Variants in STK32B observed in about 807,000 individuals in gnomAD.
STK32B encodes the protein serine/threonine kinase 32B.
STK32B carries 43 observed loss-of-function variants against 52.6 expected under a neutral mutation model. The observed-to-expected ratio is 0.82, with a 90% confidence interval of 0.64 to 1.05. STK32B has a LOEUF of 1.05. Ranked by LOEUF, STK32B falls within the 50% of genes least tolerant of loss-of-function variation. STK32B has a pLI of 0.00. For synonymous variants in STK32B, 238 were observed against 204.3 expected, an observed-to-expected ratio of 1.17 and a Z score of -1.41; for missense variants, 621 against 534.6, an observed-to-expected ratio of 1.16 and a Z score of -1.59.
At chr4:5,053,528 T>C (rs1741871854) in intron 1 of STK32B, among the ~76,000 whole-genome samples, 3 of 152,208 alleles carry the variant, frequency 2.0e-5, no homozygotes, top group Admixed American at 1.3e-4. Context: ...GCCACCCTTA[T>C]ATTGAAAACC....
Position 5,265,262 on chromosome 4 carries a change from C to T in STK32B, c.261-65958C>T, listed in dbSNP as rs147733950. Among the ~76,000 whole-genome samples the T allele has an allele frequency of 3.7e-3, 561 of 152,312 alleles. 3 individuals are homozygous for T. The highest frequency in any genetic ancestry group is 0.013 in the African/African-American group (526 of 41,558). Reference sequence around the variant, plus strand: ...AATTACACCACCTGACAGGTGAGAACGCGTGGGTGTTTCTACAACTCCTGA... The same window carrying T: ...AATTACACCACCTGACAGGTGAGAATGCGTGGGTGTTTCTACAACTCCTGA... On this transcript the variant is annotated intron_variant, in intron 3 of 11. Coordinates refer to ENST00000282908, the MANE Select transcript of STK32B (RefSeq NM_018401.3).
intron 11 of STK32B, among the ~76,000 whole-genome samples, chr4:5,480,911 CTCA>C (rs1270967131): frequency 6.6e-6 from 1 of 152,130 alleles, no homozygotes; most frequent in Non-Finnish European, 1.5e-5. Flanking sequence ...GGGACATGAA[CTCA>C]TCATTTTTTA....
intron 3 of STK32B, among the ~76,000 whole-genome samples, chr4:5,287,987 A>G (rs1436083813): frequency 2.0e-5 from 3 of 152,184 alleles, no homozygotes; most frequent in African/African-American, 7.2e-5. Flanking sequence ...TGCTTGTTCC[A>G]TAAAAGTTGA....
At chr4:5,446,487 A>C (rs1440738316) in intron 6 of STK32B, among the ~76,000 whole-genome samples, 186 bp from the exon 7 acceptor site, 1 of 151,610 alleles carries the variant, frequency 6.6e-6, no homozygotes, top group Non-Finnish European at 1.5e-5. Flanking sequence ...AATCGCTTGA[A>C]CTAAGGCACA....
chr4:5,446,590 T>A, intron 6 of STK32B, 83 bp from the exon 7 acceptor site: 7 of 1,087,790 alleles, frequency 6.4e-6, no homozygotes, highest in Non-Finnish European at 9.5e-6. Context: ...ACAAGCTCAA[T>A]TTCTCTCCTT....
intron 1 of STK32B, among the ~76,000 whole-genome samples, chr4:5,092,303 GGGC>G (rs1713123974): frequency 1.3e-5 from 2 of 152,150 alleles, no homozygotes; most frequent in Non-Finnish European, 1.5e-5. Context: ...AGGCCGAGGC[GGGC>G]AGATCACCTG....
At chr4:5,346,854 A>G (rs1733499359) in intron 4 of STK32B, among the ~76,000 whole-genome samples, 1 of 152,358 alleles carries the variant, frequency 6.6e-6, no homozygotes, top group East Asian at 1.9e-4. Context: ...ACGGTTCTTC[A>G]TGGCCGGGTA....
At chr4:5,317,525 T>C (rs146584158) in intron 3 of STK32B, among the ~76,000 whole-genome samples, 9,934 of 101,812 alleles carry the variant, frequency 0.098, 1,160 homozygotes, top group African/African-American at 0.23. Flanking sequence ...ATATTTATTA[T>C]ATATATATTA....
intron 4 of STK32B, among the ~76,000 whole-genome samples, chr4:5,351,915 C>G (rs1218873943): frequency 6.6e-6 from 1 of 151,916 alleles, no homozygotes; most frequent in South Asian, 2.1e-4. Flanking sequence ...AATGGAAAAC[C>G]TGGGCAGACC....
At chr4:5,227,394 A>G (rs1250173749) in intron 3 of STK32B, among the ~76,000 whole-genome samples, 1 of 152,236 alleles carries the variant, frequency 6.6e-6, no homozygotes, top group Admixed American at 6.5e-5. Context: ...GACCTTCCAC[A>G]TATTGGCATA....
At chr4:5,144,426 G>A (rs1386109273) in intron 2 of STK32B, among the ~76,000 whole-genome samples, 4 of 152,168 alleles carry the variant, frequency 2.6e-5, no homozygotes, top group Non-Finnish European at 4.4e-5. Context: ...GAGGAAGGGA[G>A]ACTTTAACTG....
rs1730823080 is a variant in STK32B, at chr4:5,316,636, AATATATTATATATATAATATATAAT to A, written c.261-14562_261-14538del. Among the ~76,000 whole-genome samples the A allele has an allele frequency of 3.6e-3, 12 of 3,368 alleles. 1 individual carries two copies. Among genetic ancestry groups the A allele is most frequent in the Admixed American group, 9.7e-3 (2 of 206 alleles). The allele number at this position is 3,368 out of a possible 152,430, so 2.2% of individuals were successfully genotyped here. A position where few individuals can be genotyped will look rare whatever the true frequency, so the allele number is the denominator to read the frequency against. On this transcript the variant is annotated intron_variant, in intron 3 of 11. Transcript: ENST00000282908. The stretch of plus-strand genomic sequence containing the variant: ...ATTATATATTATATATATAATATAT[AATATATTATATATATAATATATAAT>A]ATATATTATATATATAATATAATAT...
chr4:5,354,063 T>A (rs556885920), intron 4 of STK32B, among the ~76,000 whole-genome samples: 1 of 152,276 alleles, frequency 6.6e-6, no homozygotes, highest in East Asian at 1.9e-4. Context: ...TGAAACAGAA[T>A]GAAATCATGT....
chr4:5,170,705 A>G (rs1476618462), intron 3 of STK32B, among the ~76,000 whole-genome samples: 2 of 152,110 alleles, frequency 1.3e-5, no homozygotes, highest in Non-Finnish European at 2.9e-5. Flanking sequence ...AATCCAGTCT[A>G]TCATTGTTGG....
chr4:5,347,573 A>G (rs1323261061), intron 4 of STK32B, among the ~76,000 whole-genome samples: 1 of 152,140 alleles, frequency 6.6e-6, no homozygotes, highest in East Asian at 1.9e-4. Context: ...CTGACTACAT[A>G]CATTTGGTAA....
At chr4:5,477,218 G>T (rs911598124) in intron 11 of STK32B, among the ~76,000 whole-genome samples, 1 of 152,094 alleles carries the variant, frequency 6.6e-6, no homozygotes, top group Non-Finnish European at 1.5e-5. Flanking sequence ...TATCAGTGAG[G>T]TGTTCTGAAA....
At chr4:5,032,148 G>T in the STK32B span, among the ~76,000 whole-genome samples, 1 of 150,338 alleles carries the variant, frequency 6.7e-6, no homozygotes, top group Non-Finnish European at 1.5e-5. Flanking sequence ...CTAGTAGCCA[G>T]TTATGACTCC....
intron 3 of STK32B, among the ~76,000 whole-genome samples, chr4:5,191,570 T>A (rs1161441960): frequency 6.6e-6 from 1 of 152,160 alleles, no homozygotes; most frequent in Non-Finnish European, 1.5e-5. Flanking sequence ...ATTCCTTTTT[T>A]AACTTGTTGG....
intron 11 of STK32B, among the ~76,000 whole-genome samples, chr4:5,491,647 C>T (rs1319589613): frequency 2.6e-5 from 4 of 151,968 alleles, no homozygotes; most frequent in South Asian, 4.2e-4. Flanking sequence ...ACATGAAGTC[C>T]TTGCCCATGC....
Sources: gnomAD v4.1 joint callset for allele counts (sites outside exome capture counted in the v4.1 genomes callset) on GRCh38, gnomAD v4.1.1 for gene constraint, MANE v1.5 for transcripts, NCBI Gene and HGNC (gene_info 2026-07-23, HGNC 2026-07-21) for gene names.